PBLD: variants seen among roughly 807,000 people sequenced by gnomAD.
The protein encoded by PBLD is phenazine biosynthesis like protein domain containing.
Under a neutral mutation model 31.3 loss-of-function variants are expected in PBLD, and 26 were observed. The ratio of observed to expected loss-of-function variants is 0.83; its 90% CI spans 0.61 to 1.15. The LOEUF (loss-of-function observed/expected upper bound fraction) is 1.15, where lower values mean the gene tolerates loss of function less well. Among genes scored for constraint, PBLD ranks in the 50% most tolerant of loss-of-function variants. The pLI is 0.00. For missense variants in PBLD, 307 were observed against 351.7 expected, an observed-to-expected ratio of 0.87 and a Z score of 1.02; for synonymous variants, 114 against 129.0, an observed-to-expected ratio of 0.88 and a Z score of 0.79.
rs151336211 is a variant in PBLD, at chr10:68,328,871, TTTTG to T, written c.-60+3909_-60+3912del. On this transcript the variant is annotated intron_variant, in intron 1 of 9. Coordinates refer to ENST00000358769, the MANE Select transcript of PBLD (RefSeq NM_022129.4). The stretch of plus-strand genomic sequence containing the variant: ...ATGTACATTTATGACTATGTAGCGG[TTTTG>T]TTTGTTTGTTTGTTTGTTTTGAGAC... Among the ~76,000 whole-genome samples the T allele has an allele frequency of 4.0e-3, 603 of 151,904 alleles. 4 individuals carry two copies. Among genetic ancestry groups the T allele is most frequent in the African/African-American group, 0.012 (501 of 41,410 alleles).
intron 1 of PBLD, among the ~76,000 whole-genome samples, chr10:68,313,467 A>G (rs2044697257): frequency 6.6e-6 from 1 of 152,188 alleles, no homozygotes; most frequent in South Asian, 2.1e-4. Flanking sequence ...CTTTGTGTTT[A>G]CTTTTATGCA....
At chr10:68,330,676 G>C (rs915444397) in intron 1 of PBLD, among the ~76,000 whole-genome samples, 1 of 151,258 alleles carries the variant, frequency 6.6e-6, no homozygotes, top group Non-Finnish European at 1.5e-5. Context: ...CTCCTGAGTA[G>C]CTGAGACTAC....
At chr10:68,302,991 T>C (rs188152975) in intron 2 of PBLD, among the ~76,000 whole-genome samples, 71 of 152,256 alleles carry the variant, frequency 4.7e-4, no homozygotes, top group African/African-American at 1.6e-3. Context: ...CTTCTATACA[T>C]TTTCCATGTT....
intron 8 of PBLD, 68 bp downstream of exon 8, chr10:68,288,415 C>T (rs2044314632): frequency 6.5e-7 from 1 of 1,542,962 alleles, no homozygotes; most frequent in Non-Finnish European, 8.8e-7. Context: ...AGGAAGTGCA[C>T]TTAAATAACT....
intron 1 of PBLD, among the ~76,000 whole-genome samples, chr10:68,309,921 A>C (rs557945560): frequency 6.7e-6 from 1 of 150,244 alleles, no homozygotes; most frequent in Non-Finnish European, 1.5e-5. Context: ...GGATCACTTG[A>C]TGTCAGGAGT....
chr10:68,326,538 T>C (rs1259937753), intron 1 of PBLD, among the ~76,000 whole-genome samples: 1 of 152,228 alleles, frequency 6.6e-6, no homozygotes, highest in Non-Finnish European at 1.5e-5. Context: ...TGGAATAATG[T>C]CCTGGCTCCC....
chr10:68,295,494 G>GA (rs11390819), intron 4 of PBLD, among the ~76,000 whole-genome samples: 34,941 of 127,338 alleles, frequency 0.27, 4,405 homozygotes, highest in African/African-American at 0.32. Context: ...CCCCATCTCA[G>GA]AAAAAAAAAA....
rs532367742 is a variant in PBLD at position 68,320,628 on chromosome 10, C to T, written c.-60+12156G>A. On this transcript the variant is annotated intron_variant, in intron 1 of 9. Coordinates refer to ENST00000358769, the MANE Select transcript of PBLD (RefSeq NM_022129.4). ...TGTCAAAACTTGTAACAATATATTG[C>T]TTTTTTATTTGTAATTTTTATTGTT... is the stretch of plus-strand genomic sequence containing the variant. Among the ~76,000 whole-genome samples, 442 of 151,922 alleles carry T rather than the reference C, an allele frequency of 2.9e-3. 2 individuals carry two copies. The highest frequency in any genetic ancestry group is 0.01 in the African/African-American group (421 of 41,464).
At chr10:68,307,411 G>T (rs896193204) in intron 1 of PBLD, among the ~76,000 whole-genome samples, 1 of 152,064 alleles carries the variant, frequency 6.6e-6, no homozygotes, top group Non-Finnish European at 1.5e-5. Flanking sequence ...ATTCTGTATT[G>T]ACTTTTCATA....
At chr10:68,318,120 G>A (rs1301858535) in intron 1 of PBLD, among the ~76,000 whole-genome samples, 3 of 151,344 alleles carry the variant, frequency 2.0e-5, no homozygotes, top group Non-Finnish European at 2.9e-5. Flanking sequence ...CCAGCTACTT[G>A]GGAGGCTGAG....
intron 7 of PBLD, 37 bp downstream of exon 7, chr10:68,288,894 G>C (rs769898949): frequency 3.8e-6 from 6 of 1,567,362 alleles, no homozygotes. Flanking sequence ...TGGGTACTCA[G>C]CCCTCCCCAA....
At chr10:68,295,678 A>T (rs1039279954) in intron 4 of PBLD, among the ~76,000 whole-genome samples, 4 of 150,472 alleles carry the variant, frequency 2.7e-5, no homozygotes, top group African/African-American at 9.8e-5. Context: ...GAGGCCAAGC[A>T]TGGTGCCTCA....
At chr10:68,299,202 T>C (rs1298450760) in intron 2 of PBLD, among the ~76,000 whole-genome samples, 1 of 151,954 alleles carries the variant, frequency 6.6e-6, no homozygotes, top group East Asian at 1.9e-4. Context: ...CTAGTTAGAT[T>C]TTGAATTTTA....
At chr10:68,319,111 G>GAAAGAAA (rs1554860577) in intron 1 of PBLD, among the ~76,000 whole-genome samples, 7,108 of 115,472 alleles carry the variant, frequency 0.062, 378 homozygotes, top group East Asian at 0.11. Flanking sequence ...AAGAAAGAAA[G>GAAAGAAA]GAAAAAGAAA....
chr10:68,291,702 T>C (rs1317993238), intron 6 of PBLD, among the ~76,000 whole-genome samples: 2 of 152,128 alleles, frequency 1.3e-5, no homozygotes, highest in Non-Finnish European at 2.9e-5. Context: ...TCCCAGAAAC[T>C]TACATTTCCT....
At chr10:68,314,660 C>T (rs1000820547) in intron 1 of PBLD, among the ~76,000 whole-genome samples, 1 of 151,930 alleles carries the variant, frequency 6.6e-6, no homozygotes, top group African/African-American at 2.4e-5. Flanking sequence ...TGCAGTGGCG[C>T]AATCTTGGCT....
rs538613890 is a variant in PBLD at position 68,299,466 on chromosome 10, A to G, written c.85-2481T>C. The stretch of plus-strand genomic sequence containing the variant: ...TAAACACTCTTGTCTTTGATTCAAA[A>G]TCTTTTGAAACATGTTCCATATAAT... On this transcript the variant is annotated intron_variant, in intron 2 of 9. Coordinates refer to ENST00000358769, the MANE Select transcript of PBLD (RefSeq NM_022129.4). Among the ~76,000 whole-genome samples the G allele has an allele frequency of 3.3e-5, 5 of 152,292 alleles. No homozygotes were observed. In the East Asian group the frequency reaches 7.7e-4, roughly 24 times the overall value.
chr10:68,332,480 C>T (rs1162426745), intron 1 of PBLD, among the ~76,000 whole-genome samples: 3 of 152,238 alleles, frequency 2.0e-5, no homozygotes, highest in South Asian at 2.1e-4. Context: ...TTTCCCCTTT[C>T]CCTGCTGGCT....
intron 2 of PBLD, among the ~76,000 whole-genome samples, chr10:68,303,589 A>T (rs2044535264): frequency 6.8e-6 from 1 of 147,640 alleles, no homozygotes; most frequent in South Asian, 2.2e-4. Context: ...GTCTCAAAAA[A>T]ATAAAAATTA....
Sources: gnomAD v4.1 joint callset for allele counts (sites outside exome capture counted in the v4.1 genomes callset) on GRCh38, gnomAD v4.1.1 for gene constraint, MANE v1.5 for transcripts, NCBI Gene and HGNC (gene_info 2026-07-23, HGNC 2026-07-21) for gene names.